POU2F3: variants seen among roughly 807,000 people sequenced by gnomAD.
POU2F3 encodes the protein POU class 2 homeobox 3.
Under a neutral mutation model 59.2 loss-of-function variants are expected in POU2F3, and 23 were observed. The observed-to-expected ratio is 0.39, with a 90% CI of 0.28 to 0.55. POU2F3 has a LOEUF of 0.55. Ranked by LOEUF, POU2F3 falls within the 20% of genes least tolerant of loss-of-function variation. The pLI, the probability that POU2F3 is intolerant of heterozygous loss-of-function variation, is 0.66. For missense variants in POU2F3, 473 were observed against 544.5 expected, an observed-to-expected ratio of 0.87 and a Z score of 1.31; for synonymous variants, 190 against 214.6, an observed-to-expected ratio of 0.89 and a Z score of 1.00.
intron 6 of POU2F3, 174 bp downstream of exon 6, chr11:120,302,542 A>C (rs1383234583): frequency 3.4e-6 from 2 of 587,556 alleles, no homozygotes; most frequent in Non-Finnish European, 5.9e-6. Context: ...GTGGGGGGAC[A>C]ATTTACCAAG....
chr11:120,252,323 C>T (rs1386365581), intron 2 of POU2F3, among the ~76,000 whole-genome samples: 1 of 151,608 alleles, frequency 6.6e-6, no homozygotes, highest in Non-Finnish European at 1.5e-5. Context: ...TCTCCTGCCT[C>T]AGCCTTCTCA....
At chr11:120,273,681 G>A (rs1940176400) in intron 3 of POU2F3, among the ~76,000 whole-genome samples, 2 of 152,284 alleles carry the variant, frequency 1.3e-5, no homozygotes, top group East Asian at 3.9e-4. Context: ...GTGGAATGCT[G>A]CTGTAGCCAG....
chr11:120,295,290 T>G (rs1409869299), intron 3 of POU2F3, among the ~76,000 whole-genome samples: 1 of 152,176 alleles, frequency 6.6e-6, no homozygotes, highest in Non-Finnish European at 1.5e-5. Context: ...TCCTTATCTC[T>G]CCCTTGTGCA....
intron 3 of POU2F3, among the ~76,000 whole-genome samples, chr11:120,277,632 A>T (rs537900011): frequency 3.3e-5 from 5 of 151,986 alleles, no homozygotes; most frequent in African/African-American, 1.2e-4. Flanking sequence ...AAAAAAAAAA[A>T]TTAGCCGGGC....
At chr11:120,294,607 T>C (rs1027092458) in intron 3 of POU2F3, among the ~76,000 whole-genome samples, 3 of 152,182 alleles carry the variant, frequency 2.0e-5, no homozygotes, top group Admixed American at 6.5e-5. Context: ...TCCAACCTTT[T>C]CCCCTTAACA....
Position 120,310,002 on chromosome 11 carries a change from G to A in POU2F3, c.1068+416G>A, listed in dbSNP as rs114895882. Among the ~76,000 whole-genome samples the A allele has an allele frequency of 5.9e-3, 895 of 152,308 alleles. 11 individuals carry two copies. Among genetic ancestry groups the A allele is most frequent in the African/African-American group, 0.019 (803 of 41,552 alleles). On this transcript the variant is annotated intron_variant, in intron 10 of 12. Transcript: ENST00000543440. ...AGTCAGAGAGGAAACAGGAAGCAGA[G>A]CGCCCAAGATCTTGGAGGACATTGA... is the stretch of plus-strand genomic sequence containing the variant.
At chr11:120,274,227 C>A (rs1338372293) in intron 3 of POU2F3, among the ~76,000 whole-genome samples, 1 of 152,126 alleles carries the variant, frequency 6.6e-6, no homozygotes, top group East Asian at 1.9e-4. Context: ...GACCATGTGA[C>A]CTTGGGCAAG....
intron 2 of POU2F3, among the ~76,000 whole-genome samples, chr11:120,247,932 C>T (rs1938937000): frequency 3.3e-5 from 5 of 152,192 alleles, no homozygotes; most frequent in East Asian, 1.9e-4. Context: ...AAGAAGACCA[C>T]GCCTAACCAG....
In POU2F3 at chr11:120,269,326, ATTAAG is replaced by A. The variant is rs2135195152; in HGVS notation, c.132+84_132+88del. 6.6e-6 allele frequency: 8 copies of A among 1,216,436 alleles called. No homozygotes were observed. In the South Asian group the frequency reaches 1.0e-4, roughly 16 times the overall value. 75.4% of individuals were successfully genotyped at this position (1,216,436 alleles called of 1,614,324 possible). A position where few individuals can be genotyped will look rare whatever the true frequency, so the allele number is the denominator to read the frequency against. ...ACTGTCTGGTATGGAGGAAGACAAG[ATTAAG>A]TACAGTTTGGGGGTGTTTATTCACA... On this transcript the variant is annotated intron_variant, in intron 3 of 12. Coordinates refer to ENST00000543440, the MANE Select transcript of POU2F3 (RefSeq NM_014352.4).
At chr11:120,254,210 G>A (rs977855293) in intron 2 of POU2F3, 13 of 152,270 alleles carry the variant, frequency 8.5e-5, no homozygotes, top group African/African-American at 3.1e-4. Flanking sequence ...AAAGAAATGA[G>A]CGTTCAAATT....
At chr11:120,286,137 G>A (rs760714710) in intron 3 of POU2F3, among the ~76,000 whole-genome samples, 1 of 152,010 alleles carries the variant, frequency 6.6e-6, no homozygotes, top group Non-Finnish European at 1.5e-5. Flanking sequence ...TGCCTGCCTC[G>A]GCCTACCAGA....
intron 2 of POU2F3, among the ~76,000 whole-genome samples, chr11:120,251,997 T>C (rs1300032662): frequency 6.6e-6 from 1 of 151,860 alleles, no homozygotes; most frequent in Non-Finnish European, 1.5e-5. Context: ...GGTTTCATCA[T>C]GTTGGTCAGG....
chr11:120,300,478 G>A (rs975140923), intron 5 of POU2F3, among the ~76,000 whole-genome samples: 1 of 152,020 alleles, frequency 6.6e-6, no homozygotes, highest in Non-Finnish European at 1.5e-5. Flanking sequence ...AGTGATGGAG[G>A]GTTGGCCAGG....
upstream of POU2F3, among the ~76,000 whole-genome samples, chr11:120,239,884 C>T (rs1444208877): frequency 6.6e-6 from 1 of 152,248 alleles, no homozygotes; most frequent in East Asian, 1.9e-4. Context: ...CCCGCCAGGG[C>T]TTCCTAAAAA....
chr11:120,268,865 G>T (rs2135193885), intron 2 of POU2F3, among the ~76,000 whole-genome samples: 1 of 152,288 alleles, frequency 6.6e-6, no homozygotes, highest in South Asian at 2.1e-4. Context: ...GGATGTAGCA[G>T]CTGCCATCTG....
rs117859571 is a variant in POU2F3, at chr11:120,285,846, T to C, written c.133-12419T>C. ...GGCAGTACATAGAGAGTTATATGAT[T>C]TTTGTTAATGACCACATAATGTTCT... is the stretch of plus-strand genomic sequence containing the variant. On this transcript the variant is annotated intron_variant, in intron 3 of 12. Coordinates refer to ENST00000543440, the MANE Select transcript of POU2F3 (RefSeq NM_014352.4). The surrounding 1 kb of genome is among the most constrained non-coding windows in gnomAD (Gnocchi z 4.3). Among the ~76,000 whole-genome samples the C allele has an allele frequency of 0.015, 2,273 of 152,246 alleles. 23 individuals carry two copies. Among genetic ancestry groups the C allele is most frequent in the Non-Finnish European group, 0.025 (1,685 of 68,016 alleles).
chr11:120,293,356 G>C (rs1281988477), intron 3 of POU2F3, among the ~76,000 whole-genome samples: 1 of 152,142 alleles, frequency 6.6e-6, no homozygotes, highest in Non-Finnish European at 1.5e-5. Flanking sequence ...TATCTCTTGG[G>C]GTACTTTCAG....
intron 3 of POU2F3, among the ~76,000 whole-genome samples, chr11:120,288,436 A>G (rs1396080268): frequency 6.6e-6 from 1 of 152,200 alleles, no homozygotes; most frequent in Non-Finnish European, 1.5e-5. Context: ...CCACTTCTTT[A>G]GGAAGGATTC....
At chr11:120,247,165 T>G (rs1298618316) in intron 2 of POU2F3, among the ~76,000 whole-genome samples, 3 of 152,214 alleles carry the variant, frequency 2.0e-5, no homozygotes. Flanking sequence ...TTTACCTCCA[T>G]AGTTCAAGCC....
Sources: gnomAD v4.1 joint callset for allele counts (sites outside exome capture counted in the v4.1 genomes callset) on GRCh38, gnomAD v4.1.1 for gene constraint, Gnocchi (gnomAD v3.1) non-coding constraint, MANE v1.5 for transcripts, NCBI Gene and HGNC (gene_info 2026-07-23, HGNC 2026-07-21) for gene names.